The following LGALS4 variants were observed in gnomAD, a reference collection of about 807,000 sequenced individuals.
LGALS4 encodes the protein galectin-4.
In LGALS4, 37 loss-of-function variants were observed where a neutral mutation model predicts 39.6. That is an observed-to-expected ratio of 0.93 (90% CI 0.72 to 1.23). The LOEUF (loss-of-function observed/expected upper bound fraction) is 1.23, where lower values mean the gene tolerates loss of function less well. Ranked by LOEUF, LGALS4 falls within the 50% of genes most tolerant of loss-of-function variation. LGALS4 has a pLI of 0.00. For missense variants in LGALS4, 397 were observed against 433.2 expected (o/e 0.92, Z 0.74); for synonymous variants, 160 against 165.5 (o/e 0.97, Z 0.25).
intron 4 of LGALS4, among the ~76,000 whole-genome samples, chr19:38,806,019 C>G (rs1971417482): frequency 6.6e-6 from 1 of 151,912 alleles, no homozygotes. Context: ...TTGCAGTGAG[C>G]CAGAATCACA....
rs773482004 is a variant in LGALS4 at position 38,802,075 on chromosome 19, G to A, written c.742C>T (p.Arg248Trp). 8 of 1,614,184 alleles carry A rather than the reference G, an allele frequency of 5.0e-6. No individual in the cohort carries two copies. The highest frequency in any genetic ancestry group is 6.8e-6 in the Non-Finnish European group (8 of 1,180,028). Residue 248 changes from arginine (R) to tryptophan (W), a missense_variant, in exon 9 of 10, where the codon CGG becomes TGG. Transcript: ENST00000307751. The stretch of plus-strand genomic sequence containing the variant: ...CACGAGCCATTCAGAAGGCTGTTCC[G>A]GACCACGGTACCGTTGCCCATGCGG... ...NPRMGNGTVV[R>W]NSLLNGSWGS...
At chr19:38,811,615 G>A (rs1345789507) in intron 2 of LGALS4, among the ~76,000 whole-genome samples, 3 of 151,890 alleles carry the variant, frequency 2.0e-5, no homozygotes, top group African/African-American at 7.3e-5. Flanking sequence ...CTATAATATT[G>A]TGCCACTGCA....
intron 4 of LGALS4, among the ~76,000 whole-genome samples, chr19:38,804,817 C>T (rs1438974867): frequency 6.6e-6 from 1 of 150,994 alleles, no homozygotes; most frequent in Non-Finnish European, 1.5e-5. Flanking sequence ...AGCAAGACTC[C>T]ATCTAAAAAA....
intron 4 of LGALS4, among the ~76,000 whole-genome samples, chr19:38,804,615 C>T (rs1045434457): frequency 3.3e-5 from 5 of 152,038 alleles, no homozygotes; most frequent in African/African-American, 9.7e-5. Context: ...TAATTAACTC[C>T]ATTCTGCCTT....
chr19:38,806,549 G>A lies in LGALS4; in HGVS notation c.386C>T (p.Pro129Leu), dbSNP rs1209584682. The A allele has an allele frequency of 1.9e-6, 3 of 1,613,938 alleles. No homozygotes were observed. Among genetic ancestry groups the A allele is most frequent in the Non-Finnish European group, 2.5e-6 (3 of 1,179,996 alleles). ...NPFYEYGHRLPLQMVTHLQVD... is the reference protein window; with the variant it reads ...NPFYEYGHRLLLQMVTHLQVD... ...TTGCAGGTGGGTGACCATCTGTAGGGGAAGCCGGTGCCCGTACTCATAGAA... is the reference window on the plus strand; with the variant it reads ...TTGCAGGTGGGTGACCATCTGTAGGAGAAGCCGGTGCCCGTACTCATAGAA... The change falls in exon 4 of 10, where the codon CCC becomes CTC. Residue 129 changes from proline (P) to leucine (L), a missense_variant. Physicochemically the swap from Pro to Leu is moderately conservative, Grantham distance 98. Coordinates refer to ENST00000307751, the MANE Select transcript of LGALS4 (RefSeq NM_006149.4).
intron 1 of LGALS4, 95 bp downstream of exon 1, chr19:38,812,747 T>A: frequency 1.4e-6 from 2 of 1,392,060 alleles, no homozygotes; most frequent in Non-Finnish European, 1.0e-6. Flanking sequence ...GACCACAGAG[T>A]CAGATGGGGC....
At chr19:38,803,415 T>C (rs1971384257) in intron 7 of LGALS4, 107 bp downstream of exon 7, 2 of 1,139,098 alleles carry the variant, frequency 1.8e-6, no homozygotes, top group Non-Finnish European at 1.3e-6. Flanking sequence ...ACCCTTCCCC[T>C]ACCTCCCACC....
Position 38,802,395 on chromosome 19 carries a change from A to G in LGALS4, c.580T>C (p.Tyr194His). 1.9e-6 allele frequency: 3 copies of G among 1,613,976 alleles called. No individual in the cohort carries two copies. The South Asian group carries it at 3.3e-5, about 18-fold the overall frequency. The change falls in exon 8 of 10, where the codon TAT becomes CAT. Residue 194 changes from tyrosine (Y) to histidine (H), a missense_variant. Transcript: ENST00000307751. ...GPPTFNPPVP[Y>H]FGRLQGGLTA... ...AGCCCTCCTTGCAGCCTCCCGAAATATGGCACAGGCTGTGGGAAGAGAACG... is the reference window on the plus strand; with the variant it reads ...AGCCCTCCTTGCAGCCTCCCGAAATGTGGCACAGGCTGTGGGAAGAGAACG...
In LGALS4 at chr19:38,812,875, G is replaced by T; in HGVS notation, c.12C>A (p.Val4=). Reference sequence around the variant, plus strand: ...AGGTGGGCTGGTAGCCCGGTGCGGGGACATAGGCCATCGCTCGAGGCTGCG... The same window carrying T: ...AGGTGGGCTGGTAGCCCGGTGCGGGTACATAGGCCATCGCTCGAGGCTGCG... MAY[V]PAPGYQPTYN... Residue 4 remains valine (V), a synonymous_variant, in exon 1 of 10, where the codon GTC becomes GTA. Transcript: ENST00000307751. 4 of 1,612,166 alleles carry T rather than the reference G, an allele frequency of 2.5e-6. No homozygotes were observed. The highest frequency in any genetic ancestry group is 3.4e-6 in the Non-Finnish European group (4 of 1,180,014).
intron 3 of LGALS4, among the ~76,000 whole-genome samples, chr19:38,808,141 T>TAATAA (rs576091878): frequency 1.1e-4 from 16 of 140,644 alleles, no homozygotes; most frequent in Admixed American, 6.4e-4. Flanking sequence ...AATAAATAAA[T>TAATAA]AATAAAATAA....
At chr19:38,812,407 G>A (rs1441253989) in intron 2 of LGALS4, 24 bp downstream of exon 2, 14 of 1,606,880 alleles carry the variant, frequency 8.7e-6, no homozygotes, top group Middle Eastern at 1.7e-4. Flanking sequence ...CTGCCAGCCC[G>A]GCCTGGCTTG....
chr19:38,812,791 G>A, intron 1 of LGALS4, 51 bp downstream of exon 1: 1 of 1,593,678 alleles, frequency 6.3e-7, no homozygotes, highest in Non-Finnish European at 8.6e-7. Flanking sequence ...ATTGGTGTGA[G>A]GGCTTATGGA....
At chr19:38,810,772 C>T (rs188739199) in intron 2 of LGALS4, among the ~76,000 whole-genome samples, 3 of 152,204 alleles carry the variant, frequency 2.0e-5, no homozygotes, top group Admixed American at 1.3e-4. Context: ...CCACCATGCC[C>T]GGCCAGGCCA....
chr19:38,811,490 ATAAAAAT>A (rs147809374), intron 2 of LGALS4, among the ~76,000 whole-genome samples: 11,867 of 151,810 alleles, frequency 0.078, 605 homozygotes, highest in South Asian at 0.16. Context: ...ATAATAATAA[ATAAAAAT>A]TAAAAATTAA....
At chr19:38,805,440 C>T (rs900476693) in intron 4 of LGALS4, among the ~76,000 whole-genome samples, 22 of 152,224 alleles carry the variant, frequency 1.4e-4, no homozygotes, top group African/African-American at 5.1e-4. Context: ...CAGCCCCTGC[C>T]CCTCTGCCTG....
Position 38,803,762 on chromosome 19 carries a change from G to A in LGALS4, c.520C>T (p.Gln174Ter). ...CTCACGGGCAGGCTGTTCAGCTGTT[G>A]ATGGCAATGTCCGGGACCCTGAACG... ...PPYPGPGHCH[Q>*]QLNSLPTMEG... Residue 174 changes from glutamine (Q) to a stop codon, truncating the protein, a stop_gained, in exon 6 of 10, where the codon CAA becomes TAA. Transcript: ENST00000307751. LOFTEE classifies it high-confidence loss of function. 2 of 1,613,486 alleles carry A rather than the reference G, an allele frequency of 1.2e-6. No homozygotes were observed. The highest frequency in any genetic ancestry group is 1.7e-6 in the Non-Finnish European group (2 of 1,179,796).
At chr19:38,802,701 A>G (rs1311345069) in intron 7 of LGALS4, among the ~76,000 whole-genome samples, 4 of 149,852 alleles carry the variant, frequency 2.7e-5, no homozygotes, top group Non-Finnish European at 5.9e-5. Context: ...TTTTTTAGGC[A>G]GAGTCTCCCT....
rs1971358354 is a variant in LGALS4, at chr19:38,801,770, C to A, written c.966G>T (p.Gln322His). Reference sequence around the variant, plus strand: ...TTATGGCCCCAGGAATAGATTAGATCTGGACATAGGACAAGGTGACATCAC... The same window carrying A: ...TTATGGCCCCAGGAATAGATTAGATATGGACATAGGACAAGGTGACATCAC... ...IQGDVTLSYV[Q>H]I The change falls in exon 10 of 10, where the codon CAG becomes CAT. Residue 322 changes from glutamine (Q) to histidine (H), a missense_variant. Gln to His is a conservative substitution (Grantham distance 24). Coordinates refer to ENST00000307751, the MANE Select transcript of LGALS4 (RefSeq NM_006149.4). 2.5e-6 allele frequency: 4 copies of A among 1,614,058 alleles called. No homozygotes were observed. Among genetic ancestry groups the A allele is most frequent in the Non-Finnish European group, 3.4e-6 (4 of 1,180,042 alleles).
At chr19:38,803,252 CGTGATCTGTCCGCCTTGGCATCCCAAA>C in intron 7 of LGALS4, 1 of 548,268 alleles carries the variant, frequency 1.8e-6, no homozygotes, top group Non-Finnish European at 3.3e-6. Context: ...CTCCTGACCT[CGTGATCTGTCCGCCTTGGCATCCCAAA>C]GTGCTGGGAT....
Sources: allele counts gnomAD v4.1 joint callset (sites outside exome capture counted in the v4.1 genomes callset), GRCh38; gene constraint gnomAD v4.1.1; transcripts MANE v1.5; gene names NCBI Gene and HGNC (gene_info 2026-07-23, HGNC 2026-07-21).